Variants in SMAD3 observed in about 807,000 individuals in gnomAD.
SMAD3 encodes the protein SMAD family member 3, also known as MAD homolog 3.
Under a neutral mutation model 51.8 loss-of-function variants are expected in SMAD3, and 12 were observed. The observed-to-expected ratio is 0.23, with a 90% confidence interval of 0.15 to 0.38. The LOEUF is 0.38. Ranked by LOEUF, SMAD3 falls within the 10% of genes least tolerant of loss-of-function variation. SMAD3 has a pLI of 1.00. For synonymous variants in SMAD3, 238 were observed against 227.7 expected, an observed-to-expected ratio of 1.05 and a Z score of -0.41; for missense variants, 294 against 565.6, an observed-to-expected ratio of 0.52 and a Z score of 4.87.
At chr15:67,131,508 C>G (rs558457792) in intron 1 of SMAD3, among the ~76,000 whole-genome samples, 1 of 152,274 alleles carries the variant, frequency 6.6e-6, no homozygotes, top group African/African-American at 2.4e-5. Context: ...TGAATGGTGG[C>G]TGATGTCTGT....
At chr15:67,146,991 C>CCCG (rs1221155447) in intron 1 of SMAD3, 1 of 152,174 alleles carries the variant, frequency 6.6e-6, no homozygotes, top group Non-Finnish European at 1.5e-5. Flanking sequence ...TCCCCTGCAC[C>CCCG]CCGCCAGGCC....
rs140275295 is a variant in SMAD3, at chr15:67,165,293, G to C, written c.441G>C (p.Pro147=). Residue 147 remains proline (P), a synonymous_variant, in exon 3 of 9, where the codon CCG becomes CCC. Transcript: ENST00000327367. The part of the protein sequence containing the change: ...PVLVPRHTEI[P]AEFPPLDDYS... Reference sequence around the variant, plus strand: ...TGGTGCCACGCCACACAGAGATCCCGGCCGAGTTCCCCCCACTGGACGACT... The same window carrying C: ...TGGTGCCACGCCACACAGAGATCCCCGCCGAGTTCCCCCCACTGGACGACT... 1.9e-6 allele frequency: 3 copies of C among 1,614,144 alleles called. No individual in the cohort carries two copies. Among genetic ancestry groups the C allele is most frequent in the Non-Finnish European group, 2.5e-6 (3 of 1,180,022 alleles).
intron 8 of SMAD3, among the ~76,000 whole-genome samples, chr15:67,188,176 G>C (rs1318163191): frequency 7.4e-6 from 1 of 135,150 alleles, no homozygotes; most frequent in African/African-American, 2.7e-5. Context: ...TTTTGAGATG[G>C]AGTCTCACTC....
rs921942418 is a variant in SMAD3, at chr15:67,192,740, C to T, written c.*2204C>T. On this transcript the variant is annotated 3_prime_UTR_variant, in exon 9 of 9. Transcript: ENST00000327367. Reference sequence around the variant, plus strand: ...TGGTGATCCAGTGATCTATGGAAGTCGTGTCTTACTCCAGGTGAAGGGGGA... The same window carrying T: ...TGGTGATCCAGTGATCTATGGAAGTTGTGTCTTACTCCAGGTGAAGGGGGA... 49 of 232,826 alleles carry T rather than the reference C, an allele frequency of 2.1e-4. No individual in the cohort carries two copies. Among genetic ancestry groups the T allele is most frequent in the African/African-American group, 1.0e-3 (46 of 45,206 alleles). The allele number at this position is 232,826 out of a possible 1,614,324, so 14.4% of individuals were successfully genotyped here. A position where few individuals can be genotyped will look rare whatever the true frequency, so the allele number is the denominator to read the frequency against.
At chr15:67,137,371 A>G (rs570259670) in intron 1 of SMAD3, among the ~76,000 whole-genome samples, 1 of 152,238 alleles carries the variant, frequency 6.6e-6, no homozygotes, top group Admixed American at 6.5e-5. Context: ...TTTAAACTGA[A>G]ATTATTTTCA....
chr15:67,184,968 A>C, intron 7 of SMAD3, 104 bp downstream of exon 7: 1 of 1,434,194 alleles, frequency 7.0e-7, no homozygotes, highest in South Asian at 1.2e-5. Flanking sequence ...CTCACTCATG[A>C]TTGCGTTGTC....
chr15:67,157,038 G>T (rs2140283788), intron 1 of SMAD3, among the ~76,000 whole-genome samples: 1 of 152,336 alleles, frequency 6.6e-6, no homozygotes, highest in South Asian at 2.1e-4. Flanking sequence ...AATTCACTCT[G>T]TCACAGTCAT....
intron 1 of SMAD3, among the ~76,000 whole-genome samples, chr15:67,163,443 C>T (rs1962483978): frequency 6.6e-6 from 1 of 152,130 alleles, no homozygotes; most frequent in Non-Finnish European, 1.5e-5. Context: ...CTGTCTAATA[C>T]CAGACACTAT....
At chr15:67,079,269 C>T (rs1952517879) in intron 1 of SMAD3, among the ~76,000 whole-genome samples, 1 of 152,064 alleles carries the variant, frequency 6.6e-6, no homozygotes, top group African/African-American at 2.4e-5. Context: ...TAAGCCACCG[C>T]ACCTCGCCCC....
At position 67,190,402 on chromosome 15, in the gene SMAD3, A is replaced by G. The variant is rs184839478; in HGVS notation, c.1155-11A>G. On this transcript the variant is annotated splice_polypyrimidine_tract_variant and intron_variant, in intron 8 of 8. Coordinates refer to ENST00000327367, the MANE Select transcript of SMAD3 (RefSeq NM_005902.4). ...AGTCCCCCACCCCACCCCTTTCCCT[A>G]TTTCTTACAGGAGACAGACTGTGAC... is the stretch of plus-strand genomic sequence containing the variant. 74 of 1,613,186 alleles carry G rather than the reference A, an allele frequency of 4.6e-5. No homozygotes were observed. The highest frequency in any genetic ancestry group is 5.0e-5 in the Admixed American group (3 of 59,944).
chr15:67,190,628 C>A lies in SMAD3; in HGVS notation c.*92C>A, dbSNP rs1963338520. The A allele has an allele frequency of 2.2e-6, 3 of 1,377,262 alleles. No individual in the cohort carries two copies. The highest frequency in any genetic ancestry group is 2.9e-5 in the African/African-American group (2 of 70,094). The allele number at this position is 1,377,262 out of a possible 1,614,324, so 85.3% of individuals were successfully genotyped here. On this transcript the variant is annotated 3_prime_UTR_variant, in exon 9 of 9. Coordinates refer to ENST00000327367, the MANE Select transcript of SMAD3 (RefSeq NM_005902.4). ...GGAACTCTACTCAACCCATTGTTGT[C>A]AAGGAAGAAGAAATCTTTCTCCCTC...
intron 1 of SMAD3, among the ~76,000 whole-genome samples, chr15:67,103,430 GAA>G (rs1960805622): frequency 6.6e-6 from 1 of 152,222 alleles, no homozygotes; most frequent in African/African-American, 2.4e-5. Flanking sequence ...GAAAACAGCA[GAA>G]CACGATGCAA....
At chr15:67,105,771 G>A (rs1424660938) in intron 1 of SMAD3, among the ~76,000 whole-genome samples, 2 of 152,182 alleles carry the variant, frequency 1.3e-5, no homozygotes, top group Admixed American at 6.5e-5. Flanking sequence ...CTGAAGCAAC[G>A]CAGGGCCTGC....
rs1963367699 is a variant in SMAD3, at chr15:67,191,651, A to C, written c.*1115A>C. ...GTGAAGCTTTTCCAGGTTTTGTTGA[A>C]GAGATACCTGCCAGCACTTCTGCAA... On this transcript the variant is annotated 3_prime_UTR_variant, in exon 9 of 9. Coordinates refer to ENST00000327367, the MANE Select transcript of SMAD3 (RefSeq NM_005902.4). The C allele has an allele frequency of 4.3e-6, 1 of 232,978 alleles. No homozygotes were observed. The highest frequency in any genetic ancestry group is 5.6e-5 in the Admixed American group (1 of 17,792). The allele number at this position is 232,978 out of a possible 1,614,324, so 14.4% of individuals were successfully genotyped here.
intron 1 of SMAD3, among the ~76,000 whole-genome samples, chr15:67,132,480 A>G (rs935878219): frequency 1.3e-5 from 2 of 152,224 alleles, no homozygotes; most frequent in Admixed American, 1.3e-4. Flanking sequence ...AGATGAGGGC[A>G]GGGAGACAGC....
intron 1 of SMAD3, among the ~76,000 whole-genome samples, chr15:67,154,553 A>C (rs1026805419): frequency 3.2e-4 from 49 of 152,282 alleles, no homozygotes; most frequent in Non-Finnish European, 6.9e-4. Context: ...ACTTGACCTC[A>C]CTAGATGTCT....
chr15:67,137,750 T>A (rs1163644300), intron 1 of SMAD3, among the ~76,000 whole-genome samples: 1 of 152,246 alleles, frequency 6.6e-6, no homozygotes, highest in Non-Finnish European at 1.5e-5. Flanking sequence ...GGTGCATCAT[T>A]TCTCTCAAGC....
chr15:67,127,122 C>T (rs1422214684), intron 1 of SMAD3, among the ~76,000 whole-genome samples: 1 of 152,128 alleles, frequency 6.6e-6, no homozygotes, highest in South Asian at 2.1e-4. Flanking sequence ...TACCGGCCAC[C>T]TCGAGCCTCA....
chr15:67,100,379 G>A (rs1960724445), intron 1 of SMAD3, among the ~76,000 whole-genome samples: 1 of 151,982 alleles, frequency 6.6e-6, no homozygotes, highest in African/African-American at 2.4e-5. Context: ...AGGGGAATGG[G>A]GAGTGACTGC....
Sources: gnomAD v4.1 joint callset for allele counts (sites outside exome capture counted in the v4.1 genomes callset) on GRCh38, gnomAD v4.1.1 for gene constraint, MANE v1.5 for transcripts, NCBI Gene and HGNC (gene_info 2026-07-23, HGNC 2026-07-21) for gene names.